Variants in GRID2 observed in about 807,000 individuals in gnomAD.
GRID2 encodes glutamate ionotropic receptor delta type subunit 2, also known as glutamate receptor ionotropic, delta-2.
In GRID2, 33 loss-of-function variants were observed where a neutral mutation model predicts 114.8. The observed-to-expected ratio is 0.29, with a 90% CI of 0.22 to 0.38. The LOEUF is 0.38. Among genes scored for constraint, GRID2 ranks in the 10% least tolerant of loss-of-function variants. The pLI, the probability that GRID2 is intolerant of heterozygous loss-of-function variation, is 1.00. For missense variants in GRID2, 1,184 were observed against 1,257.7 expected, an observed-to-expected ratio of 0.94 and a Z score of 0.89; for synonymous variants, 505 against 449.9, an observed-to-expected ratio of 1.12 and a Z score of -1.55.
chr4:92,448,083 C>G (rs962004878), intron 1 of GRID2, among the ~76,000 whole-genome samples: 1 of 152,090 alleles, frequency 6.6e-6, no homozygotes, highest in African/African-American at 2.4e-5. Context: ...AGTGCAAAGA[C>G]ATGCTTGGGT....
chr4:92,420,681 T>G (rs1024415001), intron 1 of GRID2, among the ~76,000 whole-genome samples: 2 of 152,098 alleles, frequency 1.3e-5, no homozygotes, highest in Non-Finnish European at 2.9e-5. Context: ...TGAAATGTTT[T>G]TTGTTTTGTT....
chr4:92,746,173 T>C (rs1254778181), intron 2 of GRID2, among the ~76,000 whole-genome samples: 1 of 152,128 alleles, frequency 6.6e-6, no homozygotes, highest in Non-Finnish European at 1.5e-5. Context: ...ACCTTGCACA[T>C]ATTTTGCGCT....
At chr4:93,693,069 T>A (rs568828059) in intron 14 of GRID2, among the ~76,000 whole-genome samples, 3 of 152,316 alleles carry the variant, frequency 2.0e-5, no homozygotes, top group Admixed American at 2.0e-4. Flanking sequence ...TTACTACATT[T>A]CAGAAAATAA....
chr4:93,741,643 G>A (rs1421831679), intron 14 of GRID2, among the ~76,000 whole-genome samples: 1 of 152,142 alleles, frequency 6.6e-6, no homozygotes, highest in African/African-American at 2.4e-5. Context: ...TGTTAAAAGT[G>A]TTGGCCGAGC....
At chr4:92,897,932 C>G (rs1747287972) in intron 2 of GRID2, among the ~76,000 whole-genome samples, 1 of 152,046 alleles carries the variant, frequency 6.6e-6, no homozygotes, top group Non-Finnish European at 1.5e-5. Flanking sequence ...TAAATTTTGG[C>G]TAAGCAAACA....
At chr4:93,063,578 C>A (rs948084409) in intron 2 of GRID2, among the ~76,000 whole-genome samples, 1 of 151,826 alleles carries the variant, frequency 6.6e-6, no homozygotes, top group African/African-American at 2.4e-5. Context: ...TAATGGTTAG[C>A]TGTCAAGTGT....
At chr4:93,371,693 C>T (rs1299018590) in intron 8 of GRID2, among the ~76,000 whole-genome samples, 1 of 150,120 alleles carries the variant, frequency 6.7e-6, no homozygotes, top group Non-Finnish European at 1.5e-5. Context: ...CCATACATCA[C>T]ATGTGCTTTT....
At chr4:93,694,004 A>G (rs1470062548) in intron 14 of GRID2, among the ~76,000 whole-genome samples, 2 of 152,188 alleles carry the variant, frequency 1.3e-5, no homozygotes, top group Admixed American at 6.5e-5. Context: ...GATATTCCCT[A>G]AGAGAGACAC....
chr4:93,559,323 T>C (rs1734656530), intron 13 of GRID2, among the ~76,000 whole-genome samples: 1 of 152,188 alleles, frequency 6.6e-6, no homozygotes, highest in African/African-American at 2.4e-5. Flanking sequence ...GAGAAAATTT[T>C]TGCAATCTAT....
chr4:92,403,151 A>G (rs1340113311), intron 1 of GRID2, among the ~76,000 whole-genome samples: 1 of 152,158 alleles, frequency 6.6e-6, no homozygotes, highest in African/African-American at 2.4e-5. Flanking sequence ...GTTCTGCTTT[A>G]GACTTTGGCT....
chr4:92,920,176 CT>C (rs1749189943), intron 2 of GRID2, among the ~76,000 whole-genome samples: 1 of 151,908 alleles, frequency 6.6e-6, no homozygotes, highest in African/African-American at 2.4e-5. Flanking sequence ...CAACCCTTGC[CT>C]TTTTTTGTTT....
intron 2 of GRID2, among the ~76,000 whole-genome samples, chr4:92,934,442 G>A (rs2149525109): frequency 6.8e-6 from 1 of 147,094 alleles, no homozygotes; most frequent in South Asian, 2.3e-4. Context: ...GAGACAATGG[G>A]GTTTTCTAGA....
At chr4:92,999,492 T>G (rs1277187761) in intron 2 of GRID2, among the ~76,000 whole-genome samples, 1 of 151,718 alleles carries the variant, frequency 6.6e-6, no homozygotes, top group Non-Finnish European at 1.5e-5. Context: ...CTATCAAGGT[T>G]AGTGTGGGAG....
At chr4:92,915,182 A>C (rs1748685662) in intron 2 of GRID2, among the ~76,000 whole-genome samples, 1 of 152,150 alleles carries the variant, frequency 6.6e-6, no homozygotes, top group South Asian at 2.1e-4. Flanking sequence ...TGAGAACAGC[A>C]AGGGGGAAAC....
At chr4:92,447,148 C>G (rs1048794413) in intron 1 of GRID2, among the ~76,000 whole-genome samples, 10 of 151,934 alleles carry the variant, frequency 6.6e-5, no homozygotes, top group African/African-American at 2.2e-4. Flanking sequence ...ATTGGGTTTG[C>G]AAAAATAACT....
chr4:93,216,876 T>G lies in GRID2; in HGVS notation c.928T>G (p.Cys310Gly). ...CAACCATCGAATATCTTCAACATTG[T>G]GTGATCCAAAGGATCCATTTGCTCA... ...RGNHRISSTLCDPKDPFAQNM... is the reference protein window; with the variant it reads ...RGNHRISSTLGDPKDPFAQNM... The change falls in exon 6 of 16, where the codon TGT (cysteine) becomes GGT (glycine). Residue 310 changes from cysteine (C) to glycine (G), a missense_variant. Cys to Gly is a radical substitution (Grantham distance 159, BLOSUM62 -3). Transcript: ENST00000282020. 6.2e-7 allele frequency: 1 copy of G among 1,613,082 alleles called. No individual in the cohort carries two copies. Among genetic ancestry groups the G allele is most frequent in the Non-Finnish European group, 8.5e-7 (1 of 1,179,142 alleles).
chr4:92,787,035 G>A (rs1346226548), intron 2 of GRID2, among the ~76,000 whole-genome samples: 1 of 151,868 alleles, frequency 6.6e-6, no homozygotes. Flanking sequence ...ATGTTTGGGT[G>A]ATTTCTGGTG....
At chr4:92,748,557 T>G (rs1484488791) in intron 2 of GRID2, among the ~76,000 whole-genome samples, 1 of 151,960 alleles carries the variant, frequency 6.6e-6, no homozygotes, top group Non-Finnish European at 1.5e-5. Flanking sequence ...GAAAATCTCC[T>G]TTGGTAGGCT....
At chr4:93,212,479 C>A (rs970331865) in intron 5 of GRID2, among the ~76,000 whole-genome samples, 1 of 152,114 alleles carries the variant, frequency 6.6e-6, no homozygotes, top group Non-Finnish European at 1.5e-5. Flanking sequence ...CTCAGAGCAG[C>A]CTTTCCGTGC....
Sources: allele counts gnomAD v4.1 joint callset (sites outside exome capture counted in the v4.1 genomes callset), GRCh38; gene constraint gnomAD v4.1.1; transcripts MANE v1.5; gene names NCBI Gene and HGNC (gene_info 2026-07-23, HGNC 2026-07-21).